The following KPNA4 variants were observed in gnomAD, a reference collection of about 807,000 sequenced individuals.
KPNA4 encodes karyopherin subunit alpha 4, also known as importin subunit alpha-3.
KPNA4 carries 13 observed loss-of-function variants against 71.3 expected under a neutral mutation model. That is an observed-to-expected ratio of 0.18 (90% CI 0.12 to 0.29). KPNA4 has a LOEUF of 0.29. KPNA4 is among the 10% of genes least tolerant of loss of function. The pLI is 1.00. For missense variants in KPNA4, 334 were observed against 603.2 expected, an observed-to-expected ratio of 0.55 and a Z score of 4.67; for synonymous variants, 189 against 195.2, an observed-to-expected ratio of 0.97 and a Z score of 0.26.
At chr3:160,510,972 G>GT (rs1721080337) in intron 13 of KPNA4, among the ~76,000 whole-genome samples, 1 of 151,198 alleles carries the variant, frequency 6.6e-6, no homozygotes, top group African/African-American at 2.4e-5. Context: ...ATTTTTTTTG[G>GT]TAGAGACACG....
intron 8 of KPNA4, among the ~76,000 whole-genome samples, chr3:160,527,402 C>T (rs919405503): frequency 6.6e-6 from 1 of 151,978 alleles, no homozygotes; most frequent in Non-Finnish European, 1.5e-5. Flanking sequence ...AATATTTAAC[C>T]AGACTGTCAA....
chr3:160,557,066 T>C (rs990756851), intron 1 of KPNA4, among the ~76,000 whole-genome samples: 5 of 152,206 alleles, frequency 3.3e-5, no homozygotes, highest in Admixed American at 2.0e-4. Context: ...CCAAATCCTC[T>C]GCACTATTTT....
intron 12 of KPNA4, among the ~76,000 whole-genome samples, chr3:160,514,562 T>C (rs1272808287): frequency 6.6e-6 from 1 of 152,200 alleles, no homozygotes; most frequent in African/African-American, 2.4e-5. Context: ...TCAGTGCCCT[T>C]CCCTCACATA....
Position 160,525,814 on chromosome 3 carries a change from G to T in KPNA4, c.757C>A (p.His253Asn). The change falls in exon 10 of 17, where the codon CAC (histidine) becomes AAC (asparagine). Residue 253 changes from histidine to asparagine, a missense_variant. Physicochemically the swap from His to Asn is moderately conservative, Grantham distance 68 (BLOSUM62 1). Transcript: ENST00000334256. ...ILPALCVLIH[H>N]TDVNILVDTV... ...CATTTACTCACATTTACATCTGTGT[G>T]ATGAATTAAAACACAAAGGGCTGGA... 6.4e-7 allele frequency: 1 copy of T among 1,566,106 alleles called. No homozygotes were observed. Among genetic ancestry groups the T allele is most frequent in the Non-Finnish European group, 8.7e-7 (1 of 1,155,374 alleles).
At chr3:160,563,055 AT>A (rs1369543044) in intron 1 of KPNA4, among the ~76,000 whole-genome samples, 2 of 152,244 alleles carry the variant, frequency 1.3e-5, no homozygotes, top group Non-Finnish European at 2.9e-5. Flanking sequence ...TAAAACATAC[AT>A]CCACACAAAA....
intron 10 of KPNA4, among the ~76,000 whole-genome samples, chr3:160,522,773 A>T (rs143030472): frequency 3.3e-5 from 5 of 152,086 alleles, no homozygotes; most frequent in Non-Finnish European, 5.9e-5. Context: ...CTTCTTAAAT[A>T]GTGGAAGTCC....
At chr3:160,554,884 A>T (rs1422788230) in intron 1 of KPNA4, among the ~76,000 whole-genome samples, 1 of 152,222 alleles carries the variant, frequency 6.6e-6, no homozygotes, top group Admixed American at 6.5e-5. Flanking sequence ...AGTTTATTTT[A>T]AAAAATCAGC....
chr3:160,520,945 G>C (rs944477532), intron 11 of KPNA4, among the ~76,000 whole-genome samples: 13 of 152,132 alleles, frequency 8.5e-5, no homozygotes, highest in African/African-American at 2.9e-4. Flanking sequence ...TTATATCTCT[G>C]AGAACTTCTC....
At chr3:160,508,497 C>G (rs1423207217) in intron 14 of KPNA4, among the ~76,000 whole-genome samples, 1 of 152,088 alleles carries the variant, frequency 6.6e-6, no homozygotes, top group African/African-American at 2.4e-5. Flanking sequence ...AAAGGAATCA[C>G]TCAACTTCAT....
In KPNA4 at chr3:160,537,686, A is replaced by T. The variant is rs188941499; in HGVS notation, c.70-846T>A. On this transcript the variant is annotated intron_variant, in intron 1 of 16. Coordinates refer to ENST00000334256, the MANE Select transcript of KPNA4 (RefSeq NM_002268.5). ...ACTTAAATCCAAAACTGAACTTTTG[A>T]TCTTTAATACACTCCACCTGCCATC... Among the ~76,000 whole-genome samples the T allele has an allele frequency of 3.0e-3, 458 of 150,432 alleles. 1 individual carries two copies. The highest frequency in any genetic ancestry group is 5.1e-3 in the Non-Finnish European group (346 of 67,720).
chr3:160,524,354 T>C (rs1454439682), intron 10 of KPNA4, among the ~76,000 whole-genome samples: 1 of 152,110 alleles, frequency 6.6e-6, no homozygotes, highest in Non-Finnish European at 1.5e-5. Flanking sequence ...TTTATTTATT[T>C]ATTTTTGAGA....
At chr3:160,515,341 C>T (rs1721188616) in intron 12 of KPNA4, 111 bp downstream of exon 12, 2 of 1,010,708 alleles carry the variant, frequency 2.0e-6, no homozygotes, top group East Asian at 5.5e-5. Context: ...GTCTAAATGA[C>T]AGTTTGTATT....
At chr3:160,536,896 G>T in intron 1 of KPNA4, 56 bp from the exon 2 acceptor site, 1 of 1,039,384 alleles carries the variant, frequency 9.6e-7, no homozygotes, top group South Asian at 1.4e-5. Flanking sequence ...CCATTATCCA[G>T]AGAAAACCAC....
At chr3:160,525,889 A>T (rs764954106) in intron 9 of KPNA4, 45 bp from the exon 10 acceptor site, 17 of 1,518,762 alleles carry the variant, frequency 1.1e-5, no homozygotes, top group East Asian at 7.2e-5. Flanking sequence ...ACAAATAAAA[A>T]ATATATATAT....
intron 6 of KPNA4, 103 bp downstream of exon 6, chr3:160,531,359 G>C: frequency 1.8e-6 from 1 of 566,930 alleles, no homozygotes. Flanking sequence ...CCATCCCATA[G>C]CCCTTTTCTT....
chr3:160,531,004 A>ATT, intron 6 of KPNA4, 64 bp from the exon 7 acceptor site: 1 of 1,065,316 alleles, frequency 9.4e-7, no homozygotes, highest in East Asian at 2.4e-5. Context: ...ATATCTAACC[A>ATT]TTCTTCCTTC....
chr3:160,561,683 T>C (rs555492119), intron 1 of KPNA4, among the ~76,000 whole-genome samples: 2 of 152,044 alleles, frequency 1.3e-5, no homozygotes, highest in Non-Finnish European at 2.9e-5. Flanking sequence ...TAATTTGGTG[T>C]GCCTAAACTG....
intron 11 of KPNA4, among the ~76,000 whole-genome samples, chr3:160,517,319 A>C (rs1420629091): frequency 6.6e-6 from 1 of 152,108 alleles, no homozygotes; most frequent in Non-Finnish European, 1.5e-5. Context: ...TGACCAAATA[A>C]TATTTCACTG....
chr3:160,513,247 TG>T (rs1721136921), intron 13 of KPNA4, among the ~76,000 whole-genome samples: 1 of 134,632 alleles, frequency 7.4e-6, no homozygotes, highest in African/African-American at 2.6e-5. Flanking sequence ...TTCTACTTTG[TG>T]GTTTTTTTTT....
Sources: allele counts gnomAD v4.1 joint callset (sites outside exome capture counted in the v4.1 genomes callset), GRCh38; gene constraint gnomAD v4.1.1; transcripts MANE v1.5; gene names NCBI Gene and HGNC (gene_info 2026-07-23, HGNC 2026-07-21).